Variants in GPC6 observed in about 807,000 individuals in gnomAD.
GPC6 encodes glypican 6, also known as glypican-6.
Under a neutral mutation model 55.2 loss-of-function variants are expected in GPC6, and 14 were observed. That is an observed-to-expected ratio of 0.25 (90% confidence interval 0.17 to 0.40). GPC6 has a LOEUF of 0.40. Among genes scored for constraint, GPC6 ranks in the 10% least tolerant of loss-of-function variants. The pLI is 1.00. For synonymous variants in GPC6, 278 were observed against 259.6 expected (o/e 1.07, Z -0.68); for missense variants, 641 against 708.5 (o/e 0.90, Z 1.08).
intron 2 of GPC6, among the ~76,000 whole-genome samples, chr13:93,804,559 T>C (rs1886483494): frequency 6.6e-6 from 1 of 152,212 alleles, no homozygotes; most frequent in East Asian, 1.9e-4. Flanking sequence ...CTACATGCCA[T>C]AACTTAGTGT....
chr13:94,317,571 T>C (rs144742286), intron 6 of GPC6, among the ~76,000 whole-genome samples: 1 of 152,320 alleles, frequency 6.6e-6, no homozygotes, highest in East Asian at 1.9e-4. Context: ...CAAATCTTCT[T>C]TATGCAAAAT....
chr13:93,794,683 G>T (rs1326844083), intron 2 of GPC6, among the ~76,000 whole-genome samples: 2 of 152,114 alleles, frequency 1.3e-5, no homozygotes, highest in Non-Finnish European at 2.9e-5. Flanking sequence ...TGACCCGTCA[G>T]GGGGGATACT....
intron 2 of GPC6, among the ~76,000 whole-genome samples, chr13:93,824,772 C>T (rs12100033): frequency 0.038 from 5,696 of 151,888 alleles, 138 homozygotes; most frequent in South Asian, 0.064. Context: ...TTCTCTGAGG[C>T]GGGCCCACAA....
intron 6 of GPC6, among the ~76,000 whole-genome samples, chr13:94,367,402 G>A (rs9634639): frequency 0.21 from 32,497 of 152,138 alleles, 3,905 homozygotes; most frequent in East Asian, 0.29. Context: ...TCTCAAGGAC[G>A]TATAGGATGC....
At chr13:93,921,039 C>G (rs1290689879) in intron 3 of GPC6, among the ~76,000 whole-genome samples, 4 of 152,216 alleles carry the variant, frequency 2.6e-5, no homozygotes, top group African/African-American at 9.6e-5. Context: ...TTTGCTAACA[C>G]TGAACTTCTG....
intron 1 of GPC6, among the ~76,000 whole-genome samples, chr13:93,457,855 A>G (rs1309533950): frequency 1.3e-5 from 2 of 152,134 alleles, no homozygotes; most frequent in African/African-American, 4.8e-5. Context: ...AAAACTAGAC[A>G]TCTATTTCGA....
intron 1 of GPC6, among the ~76,000 whole-genome samples, chr13:93,420,010 T>A (rs1360829835): frequency 1.3e-5 from 2 of 151,818 alleles, no homozygotes; most frequent in African/African-American, 4.9e-5. Context: ...TTGCATAATA[T>A]CTAATAATAT....
At chr13:94,200,923 G>A (rs1889726295) in intron 4 of GPC6, among the ~76,000 whole-genome samples, 1 of 152,208 alleles carries the variant, frequency 6.6e-6, no homozygotes, top group Non-Finnish European at 1.5e-5. Flanking sequence ...CTTCAATAAA[G>A]CCTGGGGTCC....
chr13:94,192,559 C>G (rs945425327), intron 4 of GPC6, among the ~76,000 whole-genome samples: 1 of 152,310 alleles, frequency 6.6e-6, no homozygotes, highest in Middle Eastern at 3.4e-3. Context: ...AAATATGAGC[C>G]TGCATTTCCC....
intron 4 of GPC6, among the ~76,000 whole-genome samples, chr13:94,174,988 T>C (rs949345229): frequency 1.3e-5 from 2 of 152,188 alleles, no homozygotes; most frequent in Admixed American, 1.3e-4. Flanking sequence ...TCCCTGAAGT[T>C]TGCCTTGTGT....
chr13:93,464,946 C>T (rs1239219433), intron 1 of GPC6, among the ~76,000 whole-genome samples: 1 of 152,164 alleles, frequency 6.6e-6, no homozygotes, highest in East Asian at 1.9e-4. Context: ...GGAATCAAAA[C>T]AACATGTACC....
At chr13:94,035,291 C>A (rs1393020151) in intron 4 of GPC6, among the ~76,000 whole-genome samples, 5 of 146,058 alleles carry the variant, frequency 3.4e-5, no homozygotes, top group Non-Finnish European at 6.0e-5. Flanking sequence ...TTTGATGATT[C>A]TTTACAGTGG....
chr13:94,041,755 G>A (rs967150667), intron 4 of GPC6, among the ~76,000 whole-genome samples: 4 of 151,642 alleles, frequency 2.6e-5, no homozygotes, highest in African/African-American at 9.7e-5. Flanking sequence ...TATATCCCAG[G>A]GACTTTGGTA....
intron 6 of GPC6, among the ~76,000 whole-genome samples, chr13:94,317,347 GA>G (rs1477349309): frequency 1.3e-5 from 2 of 152,114 alleles, no homozygotes; most frequent in African/African-American, 4.8e-5. Context: ...CTCTGTACTT[GA>G]AAAAGCTAAG....
intron 3 of GPC6, among the ~76,000 whole-genome samples, chr13:93,887,025 A>C (rs771677605): frequency 6.6e-6 from 1 of 152,014 alleles, no homozygotes; most frequent in Admixed American, 6.6e-5. Flanking sequence ...GTATGTTTCC[A>C]AAGTGGAAGA....
At chr13:93,961,387 T>A (rs1042976497) in intron 3 of GPC6, among the ~76,000 whole-genome samples, 1 of 152,208 alleles carries the variant, frequency 6.6e-6, no homozygotes, top group African/African-American at 2.4e-5. Flanking sequence ...AAGTAAATAA[T>A]GCGAAGCAGT....
intron 2 of GPC6, among the ~76,000 whole-genome samples, chr13:93,635,784 CCA>C (rs1188832649): frequency 1.3e-5 from 2 of 152,132 alleles, no homozygotes; most frequent in Non-Finnish European, 2.9e-5. Context: ...TTTCATAGTA[CCA>C]CAGATTTTTG....
At chr13:93,249,269 C>A (rs1174575347) in intron 1 of GPC6, among the ~76,000 whole-genome samples, 1 of 152,128 alleles carries the variant, frequency 6.6e-6, no homozygotes, top group Non-Finnish European at 1.5e-5. Flanking sequence ...ATTAATGGAA[C>A]CCTGTGAAAC....
In GPC6 at chr13:93,375,310, C is replaced by T. The variant is rs533460359; in HGVS notation, c.160+147694C>T. ...AATGTAATAACACAGCAAAGCCAAGCGAGGGAGAGAGATTATTCCATCAGC... is the reference window on the plus strand; with the variant it reads ...AATGTAATAACACAGCAAAGCCAAGTGAGGGAGAGAGATTATTCCATCAGC... On this transcript the variant is annotated intron_variant, in intron 1 of 8. Transcript: ENST00000377047. 7.2e-5 allele frequency among the ~76,000 whole-genome samples: 11 copies of T among 152,206 alleles called. No homozygotes were observed. The South Asian group carries it at 1.0e-3, about 14-fold the overall frequency.
Sources: gnomAD v4.1 joint callset for allele counts (sites outside exome capture counted in the v4.1 genomes callset) on GRCh38, gnomAD v4.1.1 for gene constraint, MANE v1.5 for transcripts, NCBI Gene and HGNC (gene_info 2026-07-23, HGNC 2026-07-21) for gene names.